Variants in RPH3A observed in about 807,000 individuals in gnomAD.
The protein encoded by RPH3A is rabphilin 3A.
A neutral mutation model predicts 102.2 loss-of-function variants in RPH3A; 48 were observed. That is an observed-to-expected ratio of 0.47 (90% CI 0.37 to 0.60). The LOEUF (loss-of-function observed/expected upper bound fraction) is 0.60. RPH3A is among the 20% of genes least tolerant of loss of function. The pLI, the probability that RPH3A is intolerant of heterozygous loss-of-function variation, is 0.00. For synonymous variants in RPH3A, 310 were observed against 324.3 expected (o/e 0.96, Z 0.47); for missense variants, 781 against 910.1 (o/e 0.86, Z 1.83).
At chr12:112,880,234 T>G (rs1452762500) in intron 14 of RPH3A, among the ~76,000 whole-genome samples, 1 of 152,198 alleles carries the variant, frequency 6.6e-6, no homozygotes, top group Non-Finnish European at 1.5e-5. Flanking sequence ...GTATCAGCAT[T>G]TATTGGGCAC....
intron 1 of RPH3A, among the ~76,000 whole-genome samples, chr12:112,740,680 T>C (rs2040702633): frequency 6.6e-6 from 1 of 152,230 alleles, no homozygotes; most frequent in Admixed American, 6.5e-5. Context: ...AATGTCAACA[T>C]ATCAAATTGT....
upstream of RPH3A, among the ~76,000 whole-genome samples, chr12:112,789,001 A>G (rs1654274684): frequency 6.6e-6 from 1 of 152,168 alleles, no homozygotes; most frequent in Non-Finnish European, 1.5e-5. Flanking sequence ...TCTACTAAAA[A>G]TACAAAAATT....
At chr12:112,847,393 A>G (rs2042248152) in intron 4 of RPH3A, among the ~76,000 whole-genome samples, 1 of 152,330 alleles carries the variant, frequency 6.6e-6, no homozygotes, top group South Asian at 2.1e-4. Context: ...GTCCTGAATC[A>G]TTTCCACTCC....
intron 1 of RPH3A, among the ~76,000 whole-genome samples, chr12:112,782,140 C>T (rs1016907335): frequency 6.6e-6 from 1 of 152,194 alleles, no homozygotes; most frequent in African/African-American, 2.4e-5. Flanking sequence ...CCATGCAGGC[C>T]CTTCAGCATT....
rs11447068 is a variant in RPH3A, at chr12:112,841,173, T to TAAAAAAAAAAAAAAA, written c.83+4678_83+4692dup. Among the ~76,000 whole-genome samples the TAAAAAAAAAAAAAAA allele has an allele frequency of 4.3e-3, 142 of 33,294 alleles. 9 individuals are homozygous for TAAAAAAAAAAAAAAA. Among genetic ancestry groups the TAAAAAAAAAAAAAAA allele is most frequent in the African/African-American group, 0.019 (138 of 7,156 alleles). The allele number at this position is 33,294 out of a possible 152,430, so 21.8% of individuals were successfully genotyped here. On this transcript the variant is annotated intron_variant, in intron 4 of 21. Coordinates refer to ENST00000389385, the MANE Select transcript of RPH3A (RefSeq NM_001143854.2). The stretch of plus-strand genomic sequence containing the variant: ...GGCAACATAACAAGACCTTGTTTCT[T>TAAAAAAAAAAAAAAA]AAAAAAAAAAAAAAAAAAAAAGCCT...
At chr12:112,785,836 C>T (rs572776195) in intron 1 of RPH3A, among the ~76,000 whole-genome samples, 2 of 152,162 alleles carry the variant, frequency 1.3e-5, no homozygotes, top group Admixed American at 6.5e-5. Flanking sequence ...CTGTTGCTGT[C>T]CTTTTCCTCT....
intron 2 of RPH3A, among the ~76,000 whole-genome samples, chr12:112,812,496 T>C (rs2041595264): frequency 6.6e-6 from 1 of 152,242 alleles, no homozygotes; most frequent in Non-Finnish European, 1.5e-5. Context: ...GCTAGGATTT[T>C]AGGGCTTACA....
intron 4 of RPH3A, among the ~76,000 whole-genome samples, chr12:112,843,824 A>G (rs1248034758): frequency 6.6e-6 from 1 of 152,156 alleles, no homozygotes; most frequent in Non-Finnish European, 1.5e-5. Context: ...TGAAGTGTCC[A>G]TTTCCATGAA....
chr12:112,794,139 AG>A (rs1371037279), intron 2 of RPH3A, among the ~76,000 whole-genome samples: 1 of 152,186 alleles, frequency 6.6e-6, no homozygotes, highest in Non-Finnish European at 1.5e-5. Flanking sequence ...GTGGTGCACC[AG>A]GGAAAGGGAA....
intron 2 of RPH3A, among the ~76,000 whole-genome samples, chr12:112,812,669 T>TTC (rs35202488): frequency 2.1e-4 from 31 of 150,040 alleles, no homozygotes; most frequent in East Asian, 3.9e-4. Context: ...TTCTATCCCC[T>TTC]TCTCTCTCTC....
In RPH3A at chr12:112,880,682, A is replaced by G. The variant is rs185320033; in HGVS notation, c.1252-1090A>G. Among the ~76,000 whole-genome samples, 76 of 152,296 alleles carry G rather than the reference A, an allele frequency of 5.0e-4. 1 individual carries two copies. Among genetic ancestry groups the G allele is most frequent in the Non-Finnish European group, 8.5e-4 (58 of 68,028 alleles). On this transcript the variant is annotated intron_variant, in intron 14 of 21. Transcript: ENST00000389385. ...TTAAGTTAACCCCCTGAGCAGCTGA[A>G]AATCTATGGTATAACTTTTGATTCC...
Position 112,865,407 on chromosome 12 carries a change from C to T in RPH3A, c.231-7C>T. 6.2e-7 allele frequency: 1 copy of T among 1,613,444 alleles called. No individual in the cohort carries two copies. Among genetic ancestry groups the T allele is most frequent in the Non-Finnish European group, 8.5e-7 (1 of 1,179,652 alleles). On this transcript the variant is annotated splice_polypyrimidine_tract_variant and splice_region_variant and intron_variant, in intron 5 of 21. Transcript: ENST00000389385. ...AAGGTCCTTATTTACCTTGTCTCTG[C>T]TTCCAGACGCCTGGTGGACCGCCTA...
chr12:112,855,783 A>C (rs2042399784), intron 5 of RPH3A, among the ~76,000 whole-genome samples: 1 of 152,192 alleles, frequency 6.6e-6, no homozygotes, highest in African/African-American at 2.4e-5. Flanking sequence ...GAAAGTGCCA[A>C]CTTTAATAAA....
chr12:112,610,411 G>T (rs1159962291), intron 1 of RPH3A, among the ~76,000 whole-genome samples: 1 of 151,246 alleles, frequency 6.6e-6, no homozygotes, highest in Non-Finnish European at 1.5e-5. Context: ...GCTGGGGCAG[G>T]AGAATCGCTT....
chr12:112,591,031 T>C (rs2039473552), intron 1 of RPH3A, among the ~76,000 whole-genome samples: 1 of 152,238 alleles, frequency 6.6e-6, no homozygotes, highest in African/African-American at 2.4e-5. Flanking sequence ...TTGCCTAGAC[T>C]GGTCTTGCAC....
intron 6 of RPH3A, 82 bp downstream of exon 6, chr12:112,865,625 G>C (rs1291046830): frequency 2.3e-5 from 33 of 1,443,972 alleles, no homozygotes; most frequent in Admixed American, 1.1e-4. Context: ...AGGGGTCACT[G>C]GGTCTTGGGG....
chr12:112,709,826 A>G (rs2040448083), intron 1 of RPH3A, among the ~76,000 whole-genome samples: 1 of 152,152 alleles, frequency 6.6e-6, no homozygotes, highest in South Asian at 2.1e-4. Context: ...TCACAATAAC[A>G]CAGTGGGGCG....
chr12:112,584,290 C>T (rs556899466), intron 1 of RPH3A, among the ~76,000 whole-genome samples: 65 of 152,250 alleles, frequency 4.3e-4, no homozygotes, highest in Non-Finnish European at 8.5e-4. Context: ...CCACAGGGAA[C>T]CCAAGAGCAG....
intron 2 of RPH3A, among the ~76,000 whole-genome samples, chr12:112,808,957 A>G (rs1431603138): frequency 6.6e-6 from 1 of 152,190 alleles, no homozygotes; most frequent in Non-Finnish European, 1.5e-5. Flanking sequence ...CAATATAGCC[A>G]TACCAGGACT....
Sources: gnomAD v4.1 joint callset for allele counts (sites outside exome capture counted in the v4.1 genomes callset) on GRCh38, gnomAD v4.1.1 for gene constraint, MANE v1.5 for transcripts, NCBI Gene and HGNC (gene_info 2026-07-23, HGNC 2026-07-21) for gene names.